CDH13: variants seen among roughly 807,000 people sequenced by gnomAD.
CDH13 encodes the protein cadherin-13.
A neutral mutation model predicts 63.8 loss-of-function variants in CDH13; 24 were observed. The observed-to-expected ratio is 0.38, with a 90% CI of 0.27 to 0.53. The LOEUF (loss-of-function observed/expected upper bound fraction) is 0.53, where lower values mean the gene tolerates loss of function less well. CDH13 is among the 20% of genes least tolerant of loss of function. The probability of loss-of-function intolerance (pLI) is 0.85; values close to 1 mark genes in which losing one functional copy is unlikely to be tolerated. For synonymous variants in CDH13, 503 were observed against 355.3 expected (o/e 1.42, Z -4.67); for missense variants, 1,049 against 903.1 (o/e 1.16, Z -2.07).
chr16:82,717,517 G>C (rs1027538750), intron 1 of CDH13, among the ~76,000 whole-genome samples: 1 of 151,670 alleles, frequency 6.6e-6, no homozygotes, highest in Non-Finnish European at 1.5e-5. Context: ...GTTTCAATGG[G>C]CTAGAGGCAA....
intron 5 of CDH13, among the ~76,000 whole-genome samples, chr16:83,263,622 G>C (rs1907241981): frequency 6.6e-6 from 1 of 152,164 alleles, no homozygotes; most frequent in South Asian, 2.1e-4. Flanking sequence ...ATGTGGTTTG[G>C]CCAATGTAGA....
chr16:83,181,697 T>G (rs1289433125), intron 4 of CDH13, among the ~76,000 whole-genome samples: 1 of 152,066 alleles, frequency 6.6e-6, no homozygotes, highest in African/African-American at 2.4e-5. Flanking sequence ...GGACAGAGCT[T>G]CTTAACCTGG....
At chr16:82,798,857 A>T (rs2036713475) in intron 1 of CDH13, among the ~76,000 whole-genome samples, 1 of 152,086 alleles carries the variant, frequency 6.6e-6, no homozygotes, top group South Asian at 2.1e-4. Context: ...GCTTAAATGG[A>T]TATCTTATTT....
chr16:82,996,848 A>T (rs1432921508), intron 2 of CDH13, among the ~76,000 whole-genome samples: 1 of 136,206 alleles, frequency 7.3e-6, no homozygotes, highest in Admixed American at 7.2e-5. Flanking sequence ...TGGTGATAGT[A>T]ATGATTACGG....
intron 8 of CDH13, among the ~76,000 whole-genome samples, chr16:83,670,533 C>T (rs1914406925): frequency 6.6e-6 from 1 of 152,134 alleles, no homozygotes; most frequent in Admixed American, 6.5e-5. Context: ...TTTCACCCTC[C>T]CACCACAGAG....
chr16:83,525,060 A>C (rs534789054), intron 7 of CDH13, among the ~76,000 whole-genome samples: 1 of 152,198 alleles, frequency 6.6e-6, no homozygotes. Context: ...GGTCTGATGC[A>C]CACAGTGGAA....
At chr16:82,989,176 C>T (rs1911342646) in intron 2 of CDH13, among the ~76,000 whole-genome samples, 1 of 152,074 alleles carries the variant, frequency 6.6e-6, no homozygotes, top group South Asian at 2.1e-4. Flanking sequence ...CAACTGATAC[C>T]TGGAACATGG....
chr16:82,829,433 A>T (rs555640300), intron 1 of CDH13: 1 of 152,240 alleles, frequency 6.6e-6, no homozygotes, highest in East Asian at 1.9e-4. Context: ...TGGAGGGGCC[A>T]GTATTGCATT....
At chr16:82,676,690 A>C (rs1447666777) in intron 1 of CDH13, among the ~76,000 whole-genome samples, 1 of 151,888 alleles carries the variant, frequency 6.6e-6, no homozygotes, top group African/African-American at 2.4e-5. Flanking sequence ...TATGAAATAT[A>C]AAACAAAACC....
Position 82,742,978 on chromosome 16 carries a change from GA to G in CDH13, c.46-115377del, listed in dbSNP as rs1301444823. Among the ~76,000 whole-genome samples, 3 of 151,938 alleles carry G rather than the reference GA, an allele frequency of 2.0e-5. No individual in the cohort carries two copies. The East Asian group carries it at 5.8e-4, about 29-fold the overall frequency. ...CATAAAATTACTAATTACATATTTAGAAAAAAATTATGTAAGAGAATAACCA... is the reference window on the plus strand; with the variant it reads ...CATAAAATTACTAATTACATATTTAGAAAAAATTATGTAAGAGAATAACCA... On this transcript the variant is annotated intron_variant, in intron 1 of 13. Transcript: ENST00000567109.
chr16:82,927,750 T>C (rs1481965264), intron 2 of CDH13, among the ~76,000 whole-genome samples: 1 of 152,184 alleles, frequency 6.6e-6, no homozygotes, highest in Non-Finnish European at 1.5e-5. Context: ...ACCATGCCTG[T>C]GTTACTCACC....
At chr16:83,412,542 C>A (rs12599334) in intron 6 of CDH13, among the ~76,000 whole-genome samples, 5,656 of 152,288 alleles carry the variant, frequency 0.037, 116 homozygotes, top group East Asian at 0.12. Flanking sequence ...AAGCCCCCAC[C>A]TTAGTGATAC....
chr16:82,990,425 C>G (rs1436449402), intron 2 of CDH13: 1 of 152,186 alleles, frequency 6.6e-6, no homozygotes, highest in African/African-American at 2.4e-5. Flanking sequence ...TTGTGATGGG[C>G]TGGGACCTGG....
At chr16:82,838,770 T>C (rs1011274037) in intron 1 of CDH13, among the ~76,000 whole-genome samples, 12 of 152,194 alleles carry the variant, frequency 7.9e-5, no homozygotes, top group African/African-American at 2.2e-4. Flanking sequence ...ATTGATGTCA[T>C]ACGTGACAAG....
At chr16:83,175,676 CAA>C (rs2038091625) in intron 4 of CDH13, among the ~76,000 whole-genome samples, 3 of 152,044 alleles carry the variant, frequency 2.0e-5, no homozygotes, top group Non-Finnish European at 4.4e-5. Flanking sequence ...AACAAACAAA[CAA>C]ACACCGTCAT....
At chr16:83,705,767 A>T (rs1353890250) in intron 10 of CDH13, among the ~76,000 whole-genome samples, 1 of 152,212 alleles carries the variant, frequency 6.6e-6, no homozygotes, top group Non-Finnish European at 1.5e-5. Context: ...AGCATTCACC[A>T]TTCATTCTAC....
rs575543939 is a variant in CDH13 at position 83,451,162 on chromosome 16, G to C, written c.782-35315G>C. Among the ~76,000 whole-genome samples the C allele has an allele frequency of 1.2e-4, 19 of 152,260 alleles. No homozygotes were observed. In the East Asian group the frequency reaches 3.1e-3, roughly 25 times the overall value. On this transcript the variant is annotated intron_variant, in intron 6 of 13. Transcript: ENST00000567109. ...TGTCTTTGTATTACTCTGTTCTCACGCTGCTAATAAAGACATACCTGAGAC... is the reference window on the plus strand; with the variant it reads ...TGTCTTTGTATTACTCTGTTCTCACCCTGCTAATAAAGACATACCTGAGAC...
At chr16:82,966,470 G>C (rs1279786262) in intron 2 of CDH13, among the ~76,000 whole-genome samples, 2 of 152,142 alleles carry the variant, frequency 1.3e-5, no homozygotes, top group Non-Finnish European at 2.9e-5. Context: ...TTATTAATGA[G>C]AAAACTGAGG....
At chr16:82,886,624 T>G (rs1202297281) in intron 2 of CDH13, among the ~76,000 whole-genome samples, 9 of 152,094 alleles carry the variant, frequency 5.9e-5, no homozygotes, top group Admixed American at 5.9e-4. Context: ...AATTTTTACT[T>G]TCTAATGAGA....
Sources: allele counts gnomAD v4.1 joint callset (sites outside exome capture counted in the v4.1 genomes callset), GRCh38; gene constraint gnomAD v4.1.1; transcripts MANE v1.5; gene names NCBI Gene and HGNC (gene_info 2026-07-23, HGNC 2026-07-21).